GALNT18: variants seen among roughly 807,000 people sequenced by gnomAD.
The protein encoded by GALNT18 is GalNAc-transferase 18.
GALNT18 carries 44 observed loss-of-function variants against 69.5 expected under a neutral mutation model. The observed-to-expected ratio is 0.63, with a 90% CI of 0.50 to 0.81. The LOEUF (loss-of-function observed/expected upper bound fraction) is 0.81. Ranked by LOEUF, GALNT18 falls within the 40% of genes least tolerant of loss-of-function variation. The pLI, the probability that GALNT18 is intolerant of heterozygous loss-of-function variation, is 0.00. For synonymous variants in GALNT18, 364 were observed against 318.2 expected (o/e 1.14, Z -1.53); for missense variants, 715 against 810.0 (o/e 0.88, Z 1.42).
chr11:11,283,158 TTTTA>T lies in GALNT18; in HGVS notation c.1677+9867_1677+9870del, dbSNP rs373745838. Among the ~76,000 whole-genome samples, 344 of 152,036 alleles carry T rather than the reference TTTTA, an allele frequency of 2.3e-3. 5 individuals carry two copies. The highest frequency in any genetic ancestry group is 7.8e-3 in the African/African-American group (322 of 41,444). ...TGTGGCCACTGAACAGACTTTGGCT[TTTTA>T]TTTTTTTCTTGAGATGGAGTCTCAC... On this transcript the variant is annotated intron_variant, in intron 10 of 10. Coordinates refer to ENST00000227756, the MANE Select transcript of GALNT18 (RefSeq NM_198516.3).
chr11:11,468,328 A>G (rs557877681), intron 1 of GALNT18, among the ~76,000 whole-genome samples: 2 of 152,338 alleles, frequency 1.3e-5, no homozygotes, highest in South Asian at 4.1e-4. Context: ...GCTCCTGAAT[A>G]TACTCAGGTG....
In GALNT18 at chr11:11,332,959, G is replaced by T; in HGVS notation, c.1279-128C>A. On this transcript the variant is annotated intron_variant, in intron 7 of 10. Coordinates refer to ENST00000227756, the MANE Select transcript of GALNT18 (RefSeq NM_198516.3). This position sits in a 1 kb window ranked among gnomAD's most constrained non-coding sequence, Gnocchi z 4.3. ...GACTGGGGAAGGGACCATGTGGCACGTTAACTCTTGCATTTTCCCACGGGT... is the reference window on the plus strand; with the variant it reads ...GACTGGGGAAGGGACCATGTGGCACTTTAACTCTTGCATTTTCCCACGGGT... 1 of 964,324 alleles carries T rather than the reference G, an allele frequency of 1.0e-6. No homozygotes were observed. Among genetic ancestry groups the T allele is most frequent in the Non-Finnish European group, 1.6e-6 (1 of 639,168 alleles). The allele number at this position is 964,324 out of a possible 1,614,324, so 59.7% of individuals were successfully genotyped here.
chr11:11,418,731 T>G (rs1854923141), intron 3 of GALNT18, among the ~76,000 whole-genome samples: 1 of 152,286 alleles, frequency 6.6e-6, no homozygotes, highest in African/African-American at 2.4e-5. Context: ...GGCTGACACT[T>G]GAGAATGCAC....
chr11:11,368,270 A>G (rs1163754162), intron 6 of GALNT18, among the ~76,000 whole-genome samples: 1 of 152,154 alleles, frequency 6.6e-6, no homozygotes, highest in Admixed American at 6.5e-5. Flanking sequence ...TAGTTCCTCT[A>G]TGGTATATCT....
At chr11:11,362,169 G>A (rs1564910451) in intron 6 of GALNT18, among the ~76,000 whole-genome samples, 1 of 152,130 alleles carries the variant, frequency 6.6e-6, no homozygotes, top group African/African-American at 2.4e-5. Flanking sequence ...CCAAACTGCA[G>A]GATCAATTCT....
chr11:11,416,399 G>A lies in GALNT18; in HGVS notation c.595+16222C>T, dbSNP rs527688488. Among the ~76,000 whole-genome samples, 7 of 152,118 alleles carry A rather than the reference G, an allele frequency of 4.6e-5. No homozygotes were observed. The South Asian group carries it at 1.5e-3, about 32-fold the overall frequency. ...AATTTCCTCCCGAGACCAGGGTCGG[G>A]ACACCCTGCCAAGGATGCTGGGAAC... On this transcript the variant is annotated intron_variant, in intron 3 of 10. Coordinates refer to ENST00000227756, the MANE Select transcript of GALNT18 (RefSeq NM_198516.3).
At chr11:11,312,335 A>T (rs1849686298) in intron 9 of GALNT18, among the ~76,000 whole-genome samples, 1 of 152,238 alleles carries the variant, frequency 6.6e-6, no homozygotes, top group Non-Finnish European at 1.5e-5. Flanking sequence ...AACAGTTAAC[A>T]CATATTTTGT....
At chr11:11,528,299 C>G (rs1857563587) in intron 1 of GALNT18, among the ~76,000 whole-genome samples, 1 of 152,176 alleles carries the variant, frequency 6.6e-6, no homozygotes, top group South Asian at 2.1e-4. Flanking sequence ...AAAATTCCAA[C>G]TAGGAAGGTC....
rs769935581 is a variant in GALNT18 at position 11,621,465 on chromosome 11, C to A, written c.129G>T (p.Gly43=). ...GCTTCTTGTCGGGCGCCGGCTCCTG[C>A]CCCCGCACATACACGCTGGCGATGT... ...TNYIASVYVR[G]QEPAPDKKLE... Residue 43 remains glycine, a synonymous_variant, in exon 1 of 11, where the codon GGG becomes GGT. Coordinates refer to ENST00000227756, the MANE Select transcript of GALNT18 (RefSeq NM_198516.3). The surrounding 1 kb of genome is among the most constrained non-coding windows in gnomAD (Gnocchi z 9.3). 11 of 1,614,154 alleles carry A rather than the reference C, an allele frequency of 6.8e-6. No individual in the cohort carries two copies. Among genetic ancestry groups the A allele is most frequent in the Non-Finnish European group, 9.3e-6 (11 of 1,180,020 alleles).
intron 1 of GALNT18, among the ~76,000 whole-genome samples, chr11:11,571,326 C>T (rs1858788479): frequency 2.0e-5 from 3 of 152,216 alleles, no homozygotes; most frequent in African/African-American, 7.2e-5. Flanking sequence ...CAACCCCTGA[C>T]TTTGTGTGGT....
At chr11:11,458,319 C>T (rs4910008) in intron 1 of GALNT18, among the ~76,000 whole-genome samples, 72,390 of 151,804 alleles carry the variant, frequency 0.48, 18,195 homozygotes, top group Admixed American at 0.59. Flanking sequence ...TCTTCCACTC[C>T]TCATTTTAAA....
chr11:11,481,948 C>G (rs1362471665), intron 1 of GALNT18, among the ~76,000 whole-genome samples: 1 of 152,186 alleles, frequency 6.6e-6, no homozygotes, highest in East Asian at 1.9e-4. Context: ...TTTGAATTAC[C>G]TACCCCATTC....
chr11:11,485,224 G>A (rs760214071), intron 1 of GALNT18, among the ~76,000 whole-genome samples: 1 of 152,102 alleles, frequency 6.6e-6, no homozygotes, highest in African/African-American at 2.4e-5. Flanking sequence ...ATTCCATTCC[G>A]ACCCCATCTA....
At chr11:11,298,461 C>T (rs1202870901) in intron 9 of GALNT18, among the ~76,000 whole-genome samples, 1 of 152,242 alleles carries the variant, frequency 6.6e-6, no homozygotes, top group Non-Finnish European at 1.5e-5. Context: ...TCTGGCAGCT[C>T]AGGGCCTGTG....
rs764076553 is a variant in GALNT18 at position 11,293,066 on chromosome 11, T to C, written c.1640A>G (p.Lys547Arg). 7.2e-7 allele frequency: 1 copy of C among 1,389,564 alleles called. No individual in the cohort carries two copies. The highest frequency in any genetic ancestry group is 2.9e-5 in the Admixed American group (1 of 34,900). The allele number at this position is 1,389,564 out of a possible 1,614,324, so 86.1% of individuals were successfully genotyped here. A position where few individuals can be genotyped will look rare whatever the true frequency, so the allele number is the denominator to read the frequency against. ...RPRLIECSYA[K>R]AKRMKLHWQF... The stretch of plus-strand genomic sequence containing the variant: ...CCAGTGAAGCTTCATCCTCTTGGCT[T>C]TGGCGTAGCTGCATTCGATGAGCCG... The change falls in exon 10 of 11, where the codon AAA (lysine) becomes AGA (arginine). Residue 547 changes from lysine to arginine, a missense_variant. Transcript: ENST00000227756.
chr11:11,558,142 C>T (rs551622905), intron 1 of GALNT18, among the ~76,000 whole-genome samples: 4 of 152,292 alleles, frequency 2.6e-5, no homozygotes, highest in South Asian at 2.1e-4. Flanking sequence ...AAAATACCAT[C>T]GCCCCTGGAT....
At chr11:11,609,955 T>A (rs1479117851) in intron 1 of GALNT18, among the ~76,000 whole-genome samples, 1 of 151,770 alleles carries the variant, frequency 6.6e-6, no homozygotes, top group Non-Finnish European at 1.5e-5. Context: ...GTGGCCTGAG[T>A]GAGTGGAGGA....
intron 7 of GALNT18, among the ~76,000 whole-genome samples, chr11:11,334,269 G>A (rs150023374): frequency 0.011 from 1,638 of 152,234 alleles, 12 homozygotes; most frequent in South Asian, 0.037. Context: ...GGGGCCAGGC[G>A]CAGTGGCTCA....
rs1436814829 is a variant in GALNT18, at chr11:11,402,163, G to T, written c.596-22899C>A. ...GGCAGAAAGGCTAGAAAGCAAATAG[G>T]CACCAGAAGAATCATGCAATCATGG... is the stretch of plus-strand genomic sequence containing the variant. On this transcript the variant is annotated intron_variant, in intron 3 of 10. Coordinates refer to ENST00000227756, the MANE Select transcript of GALNT18 (RefSeq NM_198516.3). The surrounding 1 kb of genome is among the most constrained non-coding windows in gnomAD (Gnocchi z 4.0). 6.6e-6 allele frequency among the ~76,000 whole-genome samples: 1 copy of T among 152,200 alleles called. No individual in the cohort carries two copies. Among genetic ancestry groups the T allele is most frequent in the Non-Finnish European group, 1.5e-5 (1 of 68,028 alleles).
Sources: allele counts gnomAD v4.1 joint callset (sites outside exome capture counted in the v4.1 genomes callset), GRCh38; gene constraint gnomAD v4.1.1; non-coding constraint Gnocchi (gnomAD v3.1); transcripts MANE v1.5; gene names NCBI Gene and HGNC (gene_info 2026-07-23, HGNC 2026-07-21).